Variants in SAMM50 observed in about 807,000 individuals in gnomAD.
SAMM50 encodes the protein sorting and assembly machinery component 50 homolog.
In SAMM50, 47 loss-of-function variants were observed where a neutral mutation model predicts 66.9. The ratio of observed to expected loss-of-function variants is 0.70; its 90% CI spans 0.56 to 0.90. The LOEUF (loss-of-function observed/expected upper bound fraction) is 0.90, where lower values mean the gene tolerates loss of function less well. SAMM50 is among the 40% of genes least tolerant of loss of function. SAMM50 has a pLI of 0.00. For missense variants in SAMM50, 535 were observed against 595.3 expected (o/e 0.90, Z 1.05); for synonymous variants, 191 against 214.1 (o/e 0.89, Z 0.94).
At chr22:43,956,376 T>C (rs2050119636) in intron 1 of SAMM50, among the ~76,000 whole-genome samples, 1 of 152,250 alleles carries the variant, frequency 6.6e-6, no homozygotes, top group Non-Finnish European at 1.5e-5. Flanking sequence ...ATAGACGTTT[T>C]CAGTAGTTCC....
chr22:43,991,031 C>CAAT (rs1173638057), intron 14 of SAMM50, among the ~76,000 whole-genome samples: 1 of 150,628 alleles, frequency 6.6e-6, no homozygotes, highest in African/African-American at 2.5e-5. Context: ...GGCTGGTGTG[C>CAAT]AATAGCACGA....
chr22:43,968,830 G>C lies in SAMM50; in HGVS notation c.322+12G>C. On this transcript the variant is annotated intron_variant, in intron 4 of 14. Transcript: ENST00000350028. ...TGACACATGTCAAGGTACATATTGT[G>C]GTGTAGTATCTTTATAATTCCCTTT... 1 of 1,576,536 alleles carries C rather than the reference G, an allele frequency of 6.3e-7. No homozygotes were observed. The highest frequency in any genetic ancestry group is 8.7e-7 in the Non-Finnish European group (1 of 1,146,246).
intron 3 of SAMM50, among the ~76,000 whole-genome samples, chr22:43,968,250 A>G (rs1256939901): frequency 5.4e-5 from 8 of 149,002 alleles, no homozygotes; most frequent in Admixed American, 4.6e-4. Context: ...AAAAAAAAGA[A>G]AAAAGAAAAA....
chr22:43,964,159 A>G (rs1382596381), intron 2 of SAMM50, among the ~76,000 whole-genome samples: 1 of 152,188 alleles, frequency 6.6e-6, no homozygotes, highest in Non-Finnish European at 1.5e-5. Context: ...TAGGAAGGAC[A>G]GAGGGGTTGT....
In SAMM50 at chr22:43,968,711, T is replaced by C. The variant is rs200344629; in HGVS notation, c.235-20T>C. On this transcript the variant is annotated intron_variant, in intron 3 of 14. Transcript: ENST00000350028. ...ATCGTAGAAGAATATATTCCTTGTTTTTCTTCCCCCATTTTATAGGTAATG... is the reference window on the plus strand; with the variant it reads ...ATCGTAGAAGAATATATTCCTTGTTCTTCTTCCCCCATTTTATAGGTAATG... The C allele has an allele frequency of 3.2e-6, 5 of 1,562,870 alleles. No homozygotes were observed. The highest frequency in any genetic ancestry group is 4.4e-6 in the Non-Finnish European group (5 of 1,133,634).
chr22:43,990,441 C>G, intron 14 of SAMM50, 35 bp downstream of exon 14: 1 of 1,596,952 alleles, frequency 6.3e-7, no homozygotes, highest in Non-Finnish European at 8.6e-7. Context: ...CAATCACATC[C>G]CACTCTCCAG....
At chr22:43,977,177 C>T (rs536055625) in intron 9 of SAMM50, among the ~76,000 whole-genome samples, 3 of 152,318 alleles carry the variant, frequency 2.0e-5, no homozygotes, top group African/African-American at 7.2e-5. Flanking sequence ...GCAGGTGCAT[C>T]GTGGCAGCAG....
At chr22:43,964,052 C>G (rs1164005436) in intron 2 of SAMM50, among the ~76,000 whole-genome samples, 1 of 152,068 alleles carries the variant, frequency 6.6e-6, no homozygotes, top group Non-Finnish European at 1.5e-5. Context: ...GGACTATAGG[C>G]GTGCACCACC....
At chr22:43,963,211 A>G (rs1315676772) in intron 1 of SAMM50, 75 bp from the exon 2 acceptor site, 3 of 900,802 alleles carry the variant, frequency 3.3e-6, no homozygotes, top group Non-Finnish European at 5.1e-6. Context: ...GCACCATCTA[A>G]AGACAAAACT....
At chr22:43,994,341 GT>G (rs144137337) in intron 14 of SAMM50, among the ~76,000 whole-genome samples, 3,730 of 152,236 alleles carry the variant, frequency 0.025, 155 homozygotes, top group African/African-American at 0.086. Context: ...TTCCCCTTGG[GT>G]ATATGCCAGG....
At chr22:43,992,541 A>G (rs2050330763) in intron 14 of SAMM50, among the ~76,000 whole-genome samples, 1 of 152,218 alleles carries the variant, frequency 6.6e-6, no homozygotes, top group Non-Finnish European at 1.5e-5. Flanking sequence ...GGCTGCATGC[A>G]TGTGTGCCTG....
rs1324195145 is a variant in SAMM50 at position 43,983,486 on chromosome 22, GT to G, written c.1008-444del. 1.3e-5 allele frequency among the ~76,000 whole-genome samples: 2 copies of G among 152,038 alleles called. No individual in the cohort carries two copies. The highest frequency in any genetic ancestry group is 4.8e-5 in the African/African-American group (2 of 41,396). ...CCTAACAAGAATTCTTTTTTGGTCTGTTTCTAGTATTATAGCCCCCCTTTTT... is the reference window on the plus strand; with the variant it reads ...CCTAACAAGAATTCTTTTTTGGTCTGTTCTAGTATTATAGCCCCCCTTTTT... On this transcript the variant is annotated intron_variant, in intron 11 of 14. Coordinates refer to ENST00000350028, the MANE Select transcript of SAMM50 (RefSeq NM_015380.5). This position sits in a 1 kb window ranked among gnomAD's most constrained non-coding sequence, Gnocchi z 4.2.
At chr22:43,978,181 C>A (rs112244715) in intron 10 of SAMM50, among the ~76,000 whole-genome samples, 22 of 152,008 alleles carry the variant, frequency 1.4e-4, no homozygotes, top group Non-Finnish European at 2.1e-4. Flanking sequence ...CAGTGGTTCA[C>A]GCCTGTAATC....
At chr22:43,990,196 G>A in intron 13 of SAMM50, 69 bp from the exon 14 acceptor site, 1 of 1,596,098 alleles carries the variant, frequency 6.3e-7, no homozygotes, top group Non-Finnish European at 8.6e-7. Context: ...GCCAGGGCTT[G>A]TCTGGGAGAG....
At position 43,955,543 on chromosome 22, in the gene SAMM50, G is replaced by C. The variant is rs1218493272; in HGVS notation, c.-35G>C. 6.3e-7 allele frequency: 1 copy of C among 1,593,132 alleles called. No homozygotes were observed. Among genetic ancestry groups the C allele is most frequent in the South Asian group, 1.1e-5 (1 of 87,880 alleles). On this transcript the variant is annotated 5_prime_UTR_variant, in exon 1 of 15. Transcript: ENST00000350028. ...AGCAGCAGACGCTCTGTCCCGCCCG[G>C]GCAGCTCTGCGAGGCAGCGGCTGGA...
At chr22:43,963,237 GTA>G (rs752558883) in intron 1 of SAMM50, 47 bp from the exon 2 acceptor site, 1 of 1,159,746 alleles carries the variant, frequency 8.6e-7, no homozygotes, top group Non-Finnish European at 1.3e-6. Context: ...GTAAGTGTGT[GTA>G]TATATGTGAC....
intron 12 of SAMM50, chr22:43,987,784 G>A (rs1268722138): frequency 6.6e-6 from 1 of 151,974 alleles, no homozygotes; most frequent in African/African-American, 2.4e-5. Context: ...ATTAAATATT[G>A]GTCCACCTAT....
intron 1 of SAMM50, 99 bp downstream of exon 1, chr22:43,955,697 C>T (rs1056800257): frequency 3.7e-5 from 50 of 1,337,030 alleles, no homozygotes; most frequent in Middle Eastern, 2.5e-4. Context: ...CAGGGTTCAC[C>T]GGGAGAGAGG....
At chr22:43,963,441 A>T in intron 2 of SAMM50, 45 bp downstream of exon 2, 1 of 1,168,356 alleles carries the variant, frequency 8.6e-7, no homozygotes, top group Admixed American at 1.8e-5. Context: ...TAGTGGAAAC[A>T]TTCACTTCCA....
Sources: allele counts gnomAD v4.1 joint callset (sites outside exome capture counted in the v4.1 genomes callset), GRCh38; gene constraint gnomAD v4.1.1; non-coding constraint Gnocchi (gnomAD v3.1); transcripts MANE v1.5; gene names NCBI Gene and HGNC (gene_info 2026-07-23, HGNC 2026-07-21).